The following PPP2R3A variants were observed in gnomAD, a reference collection of about 807,000 sequenced individuals.
The protein encoded by PPP2R3A is protein phosphatase 2 regulatory subunit B''alpha.
In PPP2R3A, 80 loss-of-function variants were observed where a neutral mutation model predicts 106.9. The ratio of observed to expected loss-of-function variants is 0.75; its 90% CI spans 0.62 to 0.90. The LOEUF is 0.90. Among genes scored for constraint, PPP2R3A ranks in the 40% least tolerant of loss-of-function variants. The pLI is 0.00. For synonymous variants in PPP2R3A, 483 were observed against 468.3 expected, an observed-to-expected ratio of 1.03 and a Z score of -0.41; for missense variants, 1,386 against 1,350.4, an observed-to-expected ratio of 1.03 and a Z score of -0.41.
chr3:136,003,005 T>C lies in PPP2R3A; in HGVS notation c.1507T>C (p.Ser503Pro), dbSNP rs1271482467. The C allele has an allele frequency of 1.9e-6, 3 of 1,613,520 alleles. No individual in the cohort carries two copies. Among genetic ancestry groups the C allele is most frequent in the Non-Finnish European group, 2.5e-6 (3 of 1,179,856 alleles). ...GGGAGACCAGAGAGATTTTACAAATTCCAGTAGCCAGGAAGAGATAGATAA... is the reference window on the plus strand; with the variant it reads ...GGGAGACCAGAGAGATTTTACAAATCCCAGTAGCCAGGAAGAGATAGATAA... ...EEGDQRDFTN[S>P]SSQEEIDKLL... The change falls in exon 2 of 14, where the codon TCC (serine) becomes CCC (proline). Residue 503 changes from serine to proline, a missense_variant. Physicochemically the swap from Ser to Pro is moderately conservative, Grantham distance 74. Coordinates refer to ENST00000264977, the MANE Select transcript of PPP2R3A (RefSeq NM_002718.5).
chr3:136,022,199 T>C (rs1047128829), intron 2 of PPP2R3A, among the ~76,000 whole-genome samples: 3 of 152,148 alleles, frequency 2.0e-5, no homozygotes, highest in Non-Finnish European at 2.9e-5. Flanking sequence ...CTTTTGTCCT[T>C]TTTTTAGCCA....
At chr3:136,084,944 C>G (rs1240923240) in intron 8 of PPP2R3A, among the ~76,000 whole-genome samples, 2 of 152,190 alleles carry the variant, frequency 1.3e-5, no homozygotes, top group Non-Finnish European at 2.9e-5. Context: ...TTTGATTTTA[C>G]AGGCTCATAG....
intron 2 of PPP2R3A, among the ~76,000 whole-genome samples, chr3:136,003,836 A>AT (rs1377063165): frequency 6.6e-6 from 1 of 152,218 alleles, no homozygotes; most frequent in Non-Finnish European, 1.5e-5. Flanking sequence ...TGTGTGAAAC[A>AT]TAAGCAAGGT....
chr3:135,976,027 A>G (rs1937411325), intron 1 of PPP2R3A, among the ~76,000 whole-genome samples: 1 of 152,046 alleles, frequency 6.6e-6, no homozygotes, highest in Non-Finnish European at 1.5e-5. Context: ...TATCTTCTCT[A>G]AAGTTTTTGA....
At chr3:136,127,556 T>C (rs1031084218) in intron 13 of PPP2R3A, among the ~76,000 whole-genome samples, 1 of 152,066 alleles carries the variant, frequency 6.6e-6, no homozygotes, top group Non-Finnish European at 1.5e-5. Flanking sequence ...CTGAAACTGA[T>C]GGGGAGAATG....
intron 3 of PPP2R3A, among the ~76,000 whole-genome samples, chr3:136,030,714 G>T (rs922951655): frequency 6.0e-5 from 9 of 149,510 alleles, no homozygotes; most frequent in African/African-American, 2.2e-4. Flanking sequence ...TGGTCACTGC[G>T]AATGCCATTA....
chr3:136,074,642 G>T (rs1936540729), intron 6 of PPP2R3A, among the ~76,000 whole-genome samples: 1 of 152,226 alleles, frequency 6.6e-6, no homozygotes, highest in South Asian at 2.1e-4. Context: ...TGACACTGGT[G>T]CTGGCAGTAG....
Position 135,996,778 on chromosome 3 carries a change from C to T in PPP2R3A, c.-440-4281C>T, listed in dbSNP as rs112337061. Among the ~76,000 whole-genome samples the T allele has an allele frequency of 8.5e-5, 13 of 152,198 alleles. 1 individual carries two copies. The highest frequency in any genetic ancestry group is 2.9e-4 in the African/African-American group (12 of 41,538). On this transcript the variant is annotated intron_variant, in intron 1 of 13. Coordinates refer to ENST00000264977, the MANE Select transcript of PPP2R3A (RefSeq NM_002718.5). ...CTTTTGCCTGTTCCTAATCAGATAC[C>T]TCCTTATTTTCATTAACATCTATTT...
At chr3:136,127,830 C>T (rs972406107) in intron 13 of PPP2R3A, among the ~76,000 whole-genome samples, 2 of 152,146 alleles carry the variant, frequency 1.3e-5, no homozygotes, top group African/African-American at 2.4e-5. Flanking sequence ...AGAAACACTA[C>T]AAGCCAGAAG....
At chr3:136,105,683 C>G (rs530364631) in intron 12 of PPP2R3A, among the ~76,000 whole-genome samples, 2 of 152,162 alleles carry the variant, frequency 1.3e-5, no homozygotes, top group South Asian at 4.1e-4. Context: ...TGGAATCAGC[C>G]AGCCACGGTG....
At chr3:136,131,750 T>C (rs1341131141) in intron 13 of PPP2R3A, among the ~76,000 whole-genome samples, 2 of 152,188 alleles carry the variant, frequency 1.3e-5, no homozygotes, top group Admixed American at 6.5e-5. Context: ...TAGCAAAGAC[T>C]TGGAACCAAC....
rs1936802939 is a variant in PPP2R3A at position 136,082,350 on chromosome 3, A to C, written c.2717A>C (p.Lys906Thr). Residue 906 changes from lysine to threonine, a missense_variant, in exon 8 of 14, where the codon AAA (lysine) becomes ACA (threonine). Transcript: ENST00000264977. ...SYEHFYVIYC[K>T]FWELDTDHDL... ...GAACATTTCTATGTTATTTATTGTA[A>C]ATTCTGGGAACTAGATACTGATCAC... 1.2e-6 allele frequency: 2 copies of C among 1,611,810 alleles called. No homozygotes were observed. The highest frequency in any genetic ancestry group is 1.7e-6 in the Non-Finnish European group (2 of 1,178,040).
At chr3:136,005,074 CTT>C (rs1161923455) in intron 2 of PPP2R3A, among the ~76,000 whole-genome samples, 1 of 152,138 alleles carries the variant, frequency 6.6e-6, no homozygotes, top group East Asian at 1.9e-4. Flanking sequence ...AAATTTGAAA[CTT>C]TTTGGGCACC....
At chr3:136,114,352 C>G (rs1178802992) in intron 13 of PPP2R3A, among the ~76,000 whole-genome samples, 4 of 152,210 alleles carry the variant, frequency 2.6e-5, no homozygotes, top group Non-Finnish European at 4.4e-5. Context: ...CAGGCAGACA[C>G]CGAGCTTCAG....
intron 5 of PPP2R3A, among the ~76,000 whole-genome samples, chr3:136,054,574 C>T (rs566582633): frequency 2.0e-5 from 3 of 152,200 alleles, no homozygotes; most frequent in African/African-American, 4.8e-5. Flanking sequence ...CAATTCTTAA[C>T]GCTATTCTAT....
intron 1 of PPP2R3A, among the ~76,000 whole-genome samples, chr3:135,990,700 A>G (rs980031120): frequency 5.9e-5 from 9 of 152,122 alleles, no homozygotes; most frequent in African/African-American, 1.9e-4. Context: ...TTTTGTGATC[A>G]TGATTAGTCA....
intron 1 of PPP2R3A, among the ~76,000 whole-genome samples, chr3:135,982,330 ACT>A (rs1937549254): frequency 6.6e-6 from 1 of 151,640 alleles, no homozygotes; most frequent in Non-Finnish European, 1.5e-5. Context: ...TTAATAACAA[ACT>A]CTTGTTGGGC....
At chr3:136,118,163 G>A (rs541680243) in intron 13 of PPP2R3A, among the ~76,000 whole-genome samples, 63 of 152,234 alleles carry the variant, frequency 4.1e-4, no homozygotes, top group African/African-American at 1.2e-3. Context: ...AAAGGCCTTC[G>A]ACAAAATTCA....
At chr3:135,999,616 C>A (rs1443588139) in intron 1 of PPP2R3A, among the ~76,000 whole-genome samples, 1 of 151,700 alleles carries the variant, frequency 6.6e-6, no homozygotes, top group African/African-American at 2.4e-5. Flanking sequence ...TTGGTGCTAC[C>A]CCTTGAGGTT....
Sources: gnomAD v4.1 joint callset for allele counts (sites outside exome capture counted in the v4.1 genomes callset) on GRCh38, gnomAD v4.1.1 for gene constraint, MANE v1.5 for transcripts, NCBI Gene and HGNC (gene_info 2026-07-23, HGNC 2026-07-21) for gene names.